The following COL15A1 variants were observed in gnomAD, a reference collection of about 807,000 sequenced individuals.
COL15A1 encodes the protein collagen type XV alpha 1 chain, also known as collagen alpha-1(XV) chain.
A neutral mutation model predicts 165.9 loss-of-function variants in COL15A1; 111 were observed. The observed-to-expected ratio is 0.67, with a 90% CI of 0.57 to 0.78. The LOEUF (loss-of-function observed/expected upper bound fraction) is 0.78, where lower values mean the gene tolerates loss of function less well. COL15A1 is among the 30% of genes least tolerant of loss of function. COL15A1 has a pLI of 0.00. For missense variants in COL15A1, 1,745 were observed against 1,789.7 expected, an observed-to-expected ratio of 0.98 and a Z score of 0.45; for synonymous variants, 659 against 674.8, an observed-to-expected ratio of 0.98 and a Z score of 0.36.
chr9:98,988,412 G>A (rs890797866), intron 4 of COL15A1, among the ~76,000 whole-genome samples: 5 of 152,154 alleles, frequency 3.3e-5, no homozygotes, highest in African/African-American at 4.8e-5. Context: ...CACAGCACTC[G>A]GGCTCCTTGT....
intron 6 of COL15A1, 37 bp downstream of exon 6, chr9:98,997,118 T>C: frequency 6.2e-7 from 1 of 1,611,894 alleles, no homozygotes; most frequent in Non-Finnish European, 8.5e-7. Flanking sequence ...AGTGGCCTTT[T>C]ATTGGGTGAT....
At chr9:98,988,997 T>A (rs752033400) in intron 4 of COL15A1, among the ~76,000 whole-genome samples, 181 bp from the exon 5 acceptor site, 7 of 150,550 alleles carry the variant, frequency 4.6e-5, no homozygotes, top group Middle Eastern at 3.4e-3. Context: ...ACACGCTGTC[T>A]CCTTAACCCC....
Position 99,070,203 on chromosome 9 carries a change from AC to A in COL15A1, c.*318del. Reference sequence around the variant, plus strand: ...GGCATTCTGCCACTGCATCCTTCAGACAGTTATATCCTCCTTTTAAACCATT... The same window carrying A: ...GGCATTCTGCCACTGCATCCTTCAGAAGTTATATCCTCCTTTTAAACCATT... On this transcript the variant is annotated 3_prime_UTR_variant, in exon 42 of 42. Transcript: ENST00000375001. 3.5e-6 allele frequency: 1 copy of A among 288,370 alleles called. No homozygotes were observed. The highest frequency in any genetic ancestry group is 4.6e-5 in the South Asian group (1 of 21,948). 17.9% of individuals were successfully genotyped at this position (288,370 alleles called of 1,614,324 possible). A position where few individuals can be genotyped will look rare whatever the true frequency, so the allele number is the denominator to read the frequency against.
At chr9:99,035,476 G>A in intron 19 of COL15A1, 58 bp downstream of exon 19, 3 of 1,607,572 alleles carry the variant, frequency 1.9e-6, no homozygotes, top group Non-Finnish European at 2.6e-6. Context: ...ACTACAGTGA[G>A]GAAGCTGTGG....
chr9:99,040,681 C>A (rs1839386433), intron 23 of COL15A1, 125 bp downstream of exon 23: 1 of 1,550,370 alleles, frequency 6.5e-7, no homozygotes, highest in South Asian at 1.1e-5. Flanking sequence ...TGTTCATTAA[C>A]TTTTTCTTGA....
Position 99,038,682 on chromosome 9 carries a change from C to T in COL15A1, c.2424C>T (p.Ile808=). The change falls in exon 22 of 42, where the codon ATC becomes ATT. Residue 808 remains isoleucine, a synonymous_variant. Coordinates refer to ENST00000375001, the MANE Select transcript of COL15A1 (RefSeq NM_001855.5). ...TCTCTTTTCAGTCCTTGATCAATATCACCCATGGATTCATGAATTTCTCGG... is the reference window on the plus strand; with the variant it reads ...TCTCTTTTCAGTCCTTGATCAATATTACCCATGGATTCATGAATTTCTCGG... ...IKVLSNSLIN[I]THGFMNFSDI... is the part of the protein sequence containing the mutation. 1 of 1,605,750 alleles carries T rather than the reference C, an allele frequency of 6.2e-7. No individual in the cohort carries two copies. The highest frequency in any genetic ancestry group is 1.3e-5 in the African/African-American group (1 of 74,898).
In COL15A1 at chr9:99,027,599, A is replaced by G. The variant is rs150022295; in HGVS notation, c.2043+1633A>G. ...CTCTGTCTCGAACTTAAAGATACCC[A>G]CACCCACAACTGCATACAAAACACC... is the stretch of plus-strand genomic sequence containing the variant. On this transcript the variant is annotated intron_variant, in intron 16 of 41. Transcript: ENST00000375001. 7.7e-3 allele frequency among the ~76,000 whole-genome samples: 1,056 copies of G among 137,710 alleles called. 5 individuals carry two copies. Among genetic ancestry groups the G allele is most frequent in the Middle Eastern group, 0.036 (10 of 280 alleles). 90.3% of individuals were successfully genotyped at this position (137,710 alleles called of 152,430 possible).
At chr9:98,961,442 T>C (rs900509451) in intron 2 of COL15A1, among the ~76,000 whole-genome samples, 34 of 152,270 alleles carry the variant, frequency 2.2e-4, no homozygotes, top group Admixed American at 1.2e-3. Context: ...AGATGAGATC[T>C]GAGGGGTGAA....
At chr9:98,996,525 A>G (rs897231379) in intron 5 of COL15A1, among the ~76,000 whole-genome samples, 28 of 152,314 alleles carry the variant, frequency 1.8e-4, no homozygotes, top group African/African-American at 6.5e-4. Flanking sequence ...AGGTGTTTTC[A>G]TATCTGGCAT....
intron 5 of COL15A1, among the ~76,000 whole-genome samples, chr9:98,990,061 A>G (rs1270753428): frequency 6.6e-6 from 1 of 152,254 alleles, no homozygotes; most frequent in Non-Finnish European, 1.5e-5. Flanking sequence ...GATGGAAATT[A>G]GGCAGTGGCT....
chr9:98,963,885 G>A (rs1236897540), intron 2 of COL15A1, among the ~76,000 whole-genome samples: 3 of 152,190 alleles, frequency 2.0e-5, no homozygotes, highest in African/African-American at 7.2e-5. Flanking sequence ...GACTTGCAGT[G>A]CCAGGCATGT....
chr9:99,035,561 A>G (rs984567682), intron 19 of COL15A1, 143 bp downstream of exon 19: 2 of 960,894 alleles, frequency 2.1e-6, no homozygotes, highest in Middle Eastern at 2.1e-4. Flanking sequence ...CAATAGGGAA[A>G]TGAGATGCTC....
At position 99,015,401 on chromosome 9, in the gene COL15A1, G is replaced by A; in HGVS notation, c.1354-16G>A. On this transcript the variant is annotated splice_polypyrimidine_tract_variant and intron_variant, in intron 9 of 41. Transcript: ENST00000375001. Reference sequence around the variant, plus strand: ...TGGGCGAAGGGGCACAGCTCCTCATGCCAATTTCATTTCAGGGTCCAAGCA... The same window carrying A: ...TGGGCGAAGGGGCACAGCTCCTCATACCAATTTCATTTCAGGGTCCAAGCA... The A allele has an allele frequency of 1.9e-6, 3 of 1,598,132 alleles. No homozygotes were observed. The highest frequency in any genetic ancestry group is 2.6e-6 in the Non-Finnish European group (3 of 1,166,830).
Position 99,069,710 on chromosome 9 carries a change from G to A in COL15A1, c.3991G>A (p.Gly1331Ser). ...CATTTGGCATGGCTCCAGCCCCCAT[G>A]GCGTCCGCCTTGTGGATAACTACTG... ...KVIWHGSSPHGVRLVDNYCEA... is the reference protein window; with the variant it reads ...KVIWHGSSPHSVRLVDNYCEA... Residue 1331 changes from glycine (G) to serine (S), a missense_variant, in exon 42 of 42, where the codon GGC (glycine) becomes AGC (serine). By Grantham distance (56) the Gly-to-Ser change is moderately conservative (BLOSUM62 0). Transcript: ENST00000375001. 2 of 1,612,276 alleles carry A rather than the reference G, an allele frequency of 1.2e-6. No individual in the cohort carries two copies. Among genetic ancestry groups the A allele is most frequent in the African/African-American group, 1.3e-5 (1 of 75,028 alleles).
At chr9:99,003,334 G>C (rs1220336000) in intron 7 of COL15A1, 119 bp from the exon 8 acceptor site, 5 of 755,056 alleles carry the variant, frequency 6.6e-6, no homozygotes, top group Non-Finnish European at 1.0e-5. Flanking sequence ...AAGTCCTTGA[G>C]AGAAAGAAGC....
intron 7 of COL15A1, among the ~76,000 whole-genome samples, chr9:99,002,141 T>TTCCTC (rs148273413): frequency 4.4e-5 from 5 of 114,694 alleles, no homozygotes; most frequent in East Asian, 2.8e-4. Flanking sequence ...ATTCCCTCCC[T>TTCCTC]TCCTCTCCTC....
intron 2 of COL15A1, among the ~76,000 whole-genome samples, chr9:98,958,048 G>A (rs998656118): frequency 7.2e-5 from 11 of 152,150 alleles, no homozygotes; most frequent in African/African-American, 1.2e-4. Flanking sequence ...ACCCTGTTAC[G>A]TTCAGGTCGC....
chr9:99,036,422 G>A lies in COL15A1; in HGVS notation c.2409+26G>A, dbSNP rs533938173. The stretch of plus-strand genomic sequence containing the variant: ...GTGAGTATCATTCAGGTCAGAGCTT[G>A]TCTACATATTTTCCACCTTTGCCAA... On this transcript the variant is annotated intron_variant, in intron 21 of 41. Coordinates refer to ENST00000375001, the MANE Select transcript of COL15A1 (RefSeq NM_001855.5). 6.8e-6 allele frequency: 11 copies of A among 1,610,970 alleles called. No individual in the cohort carries two copies. The African/African-American group carries it at 1.3e-4, about 20-fold the overall frequency.
chr9:99,059,876 T>G lies in COL15A1; in HGVS notation c.3338-13T>G. On this transcript the variant is annotated splice_polypyrimidine_tract_variant and intron_variant, in intron 35 of 41. Transcript: ENST00000375001. ...TGGTTTTTGTGTAACTTCTCTTTTCTGTTTTGTCTTAGCTGTGGCCCTTCC... is the reference window on the plus strand; with the variant it reads ...TGGTTTTTGTGTAACTTCTCTTTTCGGTTTTGTCTTAGCTGTGGCCCTTCC... The G allele has an allele frequency of 1.9e-6, 3 of 1,612,100 alleles. No homozygotes were observed. Among genetic ancestry groups the G allele is most frequent in the Non-Finnish European group, 2.5e-6 (3 of 1,179,480 alleles).
Sources: allele counts gnomAD v4.1 joint callset (sites outside exome capture counted in the v4.1 genomes callset), GRCh38; gene constraint gnomAD v4.1.1; transcripts MANE v1.5; gene names NCBI Gene and HGNC (gene_info 2026-07-23, HGNC 2026-07-21).